Variants in CNTN5 observed in about 807,000 individuals in gnomAD.
CNTN5 encodes contactin-5.
CNTN5 carries 77 observed loss-of-function variants against 129.1 expected under a neutral mutation model. The ratio of observed to expected loss-of-function variants is 0.60; its 90% CI spans 0.50 to 0.72. The LOEUF is 0.72. CNTN5 is among the 30% of genes least tolerant of loss of function. The probability of loss-of-function intolerance (pLI) is 0.00; values close to 1 mark genes in which losing one functional copy is unlikely to be tolerated. For missense variants in CNTN5, 1,478 were observed against 1,328.8 expected, an observed-to-expected ratio of 1.11 and a Z score of -1.75; for synonymous variants, 509 against 465.6, an observed-to-expected ratio of 1.09 and a Z score of -1.20.
intron 2 of CNTN5, among the ~76,000 whole-genome samples, chr11:99,405,201 C>G (rs1316932912): frequency 6.6e-6 from 1 of 151,940 alleles, no homozygotes; most frequent in African/African-American, 2.4e-5. Flanking sequence ...TTGAGGTAGG[C>G]TTCTTTGAGT....
intron 3 of CNTN5, among the ~76,000 whole-genome samples, chr11:99,609,076 A>C (rs1019084728): frequency 6.6e-6 from 1 of 152,156 alleles, no homozygotes; most frequent in African/African-American, 2.4e-5. Flanking sequence ...CTTCCTGGAA[A>C]TGACGTGGTT....
intron 13 of CNTN5, among the ~76,000 whole-genome samples, chr11:100,091,588 C>T (rs1029869073): frequency 6.6e-6 from 1 of 151,630 alleles, no homozygotes; most frequent in African/African-American, 2.4e-5. Flanking sequence ...ACCACCATGC[C>T]CAGCTATTTT....
chr11:100,037,445 T>C (rs1286505487), intron 9 of CNTN5, among the ~76,000 whole-genome samples: 1 of 152,106 alleles, frequency 6.6e-6, no homozygotes, highest in Non-Finnish European at 1.5e-5. Context: ...TGGTTGTGTC[T>C]CTGCCCGGGT....
At chr11:100,005,522 A>G (rs1326026444) in intron 9 of CNTN5, among the ~76,000 whole-genome samples, 3 of 152,182 alleles carry the variant, frequency 2.0e-5, no homozygotes, top group Non-Finnish European at 4.4e-5. Context: ...ATTGCTGACT[A>G]TAGGTACTAG....
At chr11:99,375,718 A>C (rs1940142105) in intron 2 of CNTN5, among the ~76,000 whole-genome samples, 1 of 152,142 alleles carries the variant, frequency 6.6e-6, no homozygotes, top group Admixed American at 6.5e-5. Flanking sequence ...TCCCTCCAGT[A>C]GTCTATACTA....
At chr11:100,299,626 G>T (rs1951175169) in intron 20 of CNTN5, among the ~76,000 whole-genome samples, 1 of 150,858 alleles carries the variant, frequency 6.6e-6, no homozygotes, top group African/African-American at 2.4e-5. Context: ...ACAATATATG[G>T]CAAACATATA....
intron 3 of CNTN5, among the ~76,000 whole-genome samples, chr11:99,572,768 T>TAAA (rs11376326): frequency 6.6e-6 from 1 of 151,794 alleles, no homozygotes; most frequent in Admixed American, 6.6e-5. Flanking sequence ...GGGTTTTTTT[T>TAAA]AAAAAATAGA....
intron 9 of CNTN5, among the ~76,000 whole-genome samples, chr11:100,033,909 G>T (rs1941848280): frequency 2.0e-5 from 3 of 152,144 alleles, no homozygotes; most frequent in East Asian, 3.9e-4. Flanking sequence ...GCTAACTTCA[G>T]ATCTATAAAC....
intron 1 of CNTN5, among the ~76,000 whole-genome samples, chr11:99,047,794 T>C (rs1864272621): frequency 6.6e-6 from 1 of 152,120 alleles, no homozygotes; most frequent in East Asian, 1.9e-4. Context: ...AAGTATCCTG[T>C]GACTCCTGTG....
At chr11:100,143,014 T>A (rs1427650298) in intron 13 of CNTN5, among the ~76,000 whole-genome samples, 1 of 152,154 alleles carries the variant, frequency 6.6e-6, no homozygotes, top group Non-Finnish European at 1.5e-5. Context: ...GAAACATAAA[T>A]GAATTTTGTG....
At chr11:100,277,961 T>G (rs775401186) in intron 18 of CNTN5, among the ~76,000 whole-genome samples, 11 of 152,194 alleles carry the variant, frequency 7.2e-5, no homozygotes, top group Non-Finnish European at 1.6e-4. Context: ...GATTTGAATC[T>G]TTAATACATT....
chr11:99,387,363 T>C (rs1189627230), intron 2 of CNTN5, among the ~76,000 whole-genome samples: 1 of 152,184 alleles, frequency 6.6e-6, no homozygotes, highest in Non-Finnish European at 1.5e-5. Flanking sequence ...AAGGGAAATT[T>C]TGATACCATA....
intron 9 of CNTN5, among the ~76,000 whole-genome samples, chr11:100,020,728 T>C (rs562126936): frequency 3.9e-5 from 6 of 152,144 alleles, no homozygotes; most frequent in Admixed American, 3.9e-4. Flanking sequence ...ATTCAGTAAA[T>C]CGCAGAATAC....
chr11:99,886,444 T>G (rs1320254224), intron 6 of CNTN5, among the ~76,000 whole-genome samples: 1 of 152,120 alleles, frequency 6.6e-6, no homozygotes, highest in African/African-American at 2.4e-5. Flanking sequence ...TGCTCAAACC[T>G]AATAAATAGA....
chr11:99,548,437 T>A (rs968458921), intron 2 of CNTN5, among the ~76,000 whole-genome samples: 3 of 152,232 alleles, frequency 2.0e-5, no homozygotes, highest in African/African-American at 7.2e-5. Flanking sequence ...TGGCTACAGC[T>A]AAGTGTTTGC....
In CNTN5 at chr11:99,395,579, C is replaced by G. The variant is rs116125720; in HGVS notation, c.-71+70095C>G. ...TATTAGTCAATTTTTACTTTTGGTG[C>G]CATTGCTTTTGGTGTCTTTGTCATG... On this transcript the variant is annotated intron_variant, in intron 2 of 24. Transcript: ENST00000524871. Among the ~76,000 whole-genome samples, 1,427 of 151,878 alleles carry G rather than the reference C, an allele frequency of 9.4e-3. 19 individuals carry two copies. The highest frequency in any genetic ancestry group is 0.033 in the African/African-American group (1,373 of 41,490).
intron 9 of CNTN5, among the ~76,000 whole-genome samples, chr11:100,049,769 A>C (rs531252330): frequency 5.3e-5 from 8 of 152,304 alleles, no homozygotes; most frequent in African/African-American, 1.7e-4. Context: ...AACTCCAACA[A>C]ATTTACAAGA....
At chr11:99,386,881 A>G (rs1407486748) in intron 2 of CNTN5, among the ~76,000 whole-genome samples, 1 of 151,074 alleles carries the variant, frequency 6.6e-6, no homozygotes, top group Non-Finnish European at 1.5e-5. Flanking sequence ...CCTCAAGTTT[A>G]TATAGTTTTT....
At chr11:99,563,993 A>C (rs547156627) in intron 3 of CNTN5, among the ~76,000 whole-genome samples, 10 of 152,348 alleles carry the variant, frequency 6.6e-5, no homozygotes, top group African/African-American at 2.2e-4. Context: ...CAGCAATAAG[A>C]AAAACGTGGG....
Sources: allele counts gnomAD v4.1 joint callset (sites outside exome capture counted in the v4.1 genomes callset), GRCh38; gene constraint gnomAD v4.1.1; transcripts MANE v1.5; gene names NCBI Gene and HGNC (gene_info 2026-07-23, HGNC 2026-07-21).